Variants in TRIM67 observed in about 807,000 individuals in gnomAD.
TRIM67 encodes tripartite motif containing 67.
In TRIM67, 39 loss-of-function variants were observed where a neutral mutation model predicts 71.0. The ratio of observed to expected loss-of-function variants is 0.55; its 90% CI spans 0.43 to 0.72. The LOEUF (loss-of-function observed/expected upper bound fraction) is 0.72. Among genes scored for constraint, TRIM67 ranks in the 30% least tolerant of loss-of-function variants. TRIM67 has a pLI of 0.00. For missense variants in TRIM67, 973 were observed against 1,079.2 expected (o/e 0.90, Z 1.38); for synonymous variants, 481 against 473.9 (o/e 1.01, Z -0.19).
At chr1:231,184,835 G>T in intron 1 of TRIM67, 1 of 610,668 alleles carries the variant, frequency 1.6e-6, no homozygotes, top group Non-Finnish European at 2.9e-6. Context: ...CAGGCCTTTG[G>T]GGTGGGTATC....
At chr1:231,177,881 A>T (rs996111465) in intron 1 of TRIM67, among the ~76,000 whole-genome samples, 1 of 152,244 alleles carries the variant, frequency 6.6e-6, no homozygotes. Flanking sequence ...CACAAGAAAC[A>T]TCTATTTAAT....
At chr1:231,208,894 T>C (rs1683785186) in intron 7 of TRIM67, 53 bp from the exon 8 acceptor site, 1 of 1,503,030 alleles carries the variant, frequency 6.7e-7, no homozygotes, top group Non-Finnish European at 9.0e-7. Context: ...GGTTAGAAAC[T>C]ACTAGCAAAT....
Position 231,163,199 on chromosome 1 carries a change from G to C in TRIM67, c.230G>C (p.Cys77Ser), listed in dbSNP as rs1442327534. Reference sequence around the variant, plus strand: ...CACGACGCTGCGGCTGGCCCGGCCTGCGGCGGTGCAGGCGGGAGTGCAGCT... The same window carrying C: ...CACGACGCTGCGGCTGGCCCGGCCTCCGGCGGTGCAGGCGGGAGTGCAGCT... ...LEHDAAAGPACGGAGGSAAGG... is the reference protein window; with the variant it reads ...LEHDAAAGPASGGAGGSAAGG... The change falls in exon 1 of 10, where the codon TGC becomes TCC. Residue 77 changes from cysteine to serine, a missense_variant. Transcript: ENST00000366653. 9 of 1,496,560 alleles carry C rather than the reference G, an allele frequency of 6.0e-6. No homozygotes were observed. The highest frequency in any genetic ancestry group is 8.0e-6 in the Non-Finnish European group (9 of 1,125,660). The allele number at this position is 1,496,560 out of a possible 1,614,324, so 92.7% of individuals were successfully genotyped here.
At chr1:231,214,837 C>T (rs559520107) in intron 9 of TRIM67, among the ~76,000 whole-genome samples, 3 of 151,262 alleles carry the variant, frequency 2.0e-5, no homozygotes, top group Non-Finnish European at 4.4e-5. Flanking sequence ...TGGTGGCTCA[C>T]GCCTGTAACT....
intron 7 of TRIM67, 86 bp from the exon 8 acceptor site, chr1:231,208,861 G>A (rs1212378234): frequency 1.1e-5 from 15 of 1,351,486 alleles, no homozygotes; most frequent in South Asian, 4.3e-5. Context: ...TAACAGAAGC[G>A]AATGTGTTTG....
chr1:231,191,574 A>T (rs1406511965), intron 1 of TRIM67, among the ~76,000 whole-genome samples: 5 of 152,290 alleles, frequency 3.3e-5, no homozygotes, highest in South Asian at 2.1e-4. Context: ...GAGACAGGGC[A>T]TCAGGAGCGT....
intron 1 of TRIM67, among the ~76,000 whole-genome samples, chr1:231,188,888 A>C (rs1683157620): frequency 6.6e-6 from 1 of 152,150 alleles, no homozygotes; most frequent in African/African-American, 2.4e-5. Flanking sequence ...CCAGGTTGTG[A>C]CTGGGTTCGG....
At position 231,186,173 on chromosome 1, in the gene TRIM67, T is replaced by C. The variant is rs1421257271; in HGVS notation, c.1045-11198T>C. Reference sequence around the variant, plus strand: ...CCAGGCTGAGGCGCTCCCTCTTTGTTCTGCATGAATCACAGCAGTGGAACT... The same window carrying C: ...CCAGGCTGAGGCGCTCCCTCTTTGTCCTGCATGAATCACAGCAGTGGAACT... On this transcript the variant is annotated intron_variant, in intron 1 of 9. Transcript: ENST00000366653. 2.6e-6 allele frequency: 4 copies of C among 1,530,598 alleles called. No individual in the cohort carries two copies. In the Admixed American group the frequency reaches 5.9e-5, roughly 23 times the overall value. 94.8% of individuals were successfully genotyped at this position (1,530,598 alleles called of 1,614,324 possible). A position where few individuals can be genotyped will look rare whatever the true frequency, so the allele number is the denominator to read the frequency against.
intron 1 of TRIM67, among the ~76,000 whole-genome samples, chr1:231,192,153 G>A (rs928587226): frequency 6.6e-6 from 1 of 152,062 alleles, no homozygotes; most frequent in Non-Finnish European, 1.5e-5. Context: ...CAGCCTGAGT[G>A]GCAGAGAAAG....
In TRIM67 at chr1:231,218,023, C is replaced by T; in HGVS notation, c.*2583C>T. On this transcript the variant is annotated 3_prime_UTR_variant, in exon 10 of 10. Transcript: ENST00000366653. ...TACGGCCGATGCCAGGGACAGCATC[C>T]AGCTCTCCTTCACAGACACCTCTCC... 3 of 1,187,784 alleles carry T rather than the reference C, an allele frequency of 2.5e-6. No individual in the cohort carries two copies. The highest frequency in any genetic ancestry group is 3.2e-6 in the Non-Finnish European group (3 of 940,220). 73.6% of individuals were successfully genotyped at this position (1,187,784 alleles called of 1,614,324 possible).
chr1:231,189,430 G>T (rs1683174901), intron 1 of TRIM67, among the ~76,000 whole-genome samples: 1 of 152,158 alleles, frequency 6.6e-6, no homozygotes, highest in Non-Finnish European at 1.5e-5. Flanking sequence ...CACAATCATT[G>T]TGGGTCCAAT....
intron 1 of TRIM67, among the ~76,000 whole-genome samples, chr1:231,190,726 G>A (rs147817755): frequency 1.3e-5 from 2 of 152,304 alleles, no homozygotes; most frequent in Non-Finnish European, 2.9e-5. Flanking sequence ...TCCTCAGGGC[G>A]GGGGACTGGA....
chr1:231,185,307 G>C, intron 1 of TRIM67: 1 of 1,231,556 alleles, frequency 8.1e-7, no homozygotes, highest in Non-Finnish European at 1.1e-6. Context: ...GGAGGGATCT[G>C]AGAAAAGAAA....
chr1:231,202,071 G>GGAGGAGGAGGTGGAAA (rs1683545106), intron 5 of TRIM67, among the ~76,000 whole-genome samples: 1 of 123,166 alleles, frequency 8.1e-6, no homozygotes, highest in Non-Finnish European at 1.6e-5. Context: ...GGAGATGGAG[G>GGAGGAGGAGGTGGAAA]AGGAGGAGGT....
chr1:231,208,083 C>G (rs181045258), intron 7 of TRIM67, among the ~76,000 whole-genome samples: 126 of 150,592 alleles, frequency 8.4e-4, no homozygotes, highest in Admixed American at 3.5e-3. Context: ...AATCTTGGCT[C>G]ACTGCAACCT....
rs772376100 is a variant in TRIM67 at position 231,163,230 on chromosome 1, C to T, written c.261C>T (p.Gly87=). The change falls in exon 1 of 10, where the codon GGC becomes GGT. Residue 87 remains glycine, a synonymous_variant. Transcript: ENST00000366653. The stretch of plus-strand genomic sequence containing the variant: ...GTGCAGGCGGGAGTGCAGCTGGCGG[C>T]CTCGGCGGCGGTGCGGGAGGTGGCG... ...CGGAGGSAAG[G]LGGGAGGGGD... 2.7e-6 allele frequency: 4 copies of T among 1,495,608 alleles called. No individual in the cohort carries two copies. The highest frequency in any genetic ancestry group is 3.6e-6 in the Non-Finnish European group (4 of 1,122,836). 92.6% of individuals were successfully genotyped at this position (1,495,608 alleles called of 1,614,324 possible).
chr1:231,185,608 T>G (rs1236886774), intron 1 of TRIM67, among the ~76,000 whole-genome samples: 2 of 151,740 alleles, frequency 1.3e-5, no homozygotes, highest in African/African-American at 4.9e-5. Flanking sequence ...GTCCTGCCCT[T>G]TTGCAGCTCC....
At chr1:231,193,772 G>A (rs986342249) in intron 1 of TRIM67, among the ~76,000 whole-genome samples, 1 of 152,082 alleles carries the variant, frequency 6.6e-6, no homozygotes, top group Non-Finnish European at 1.5e-5. Flanking sequence ...CACATGGCAA[G>A]AGAGGAATTG....
rs1684025413 is a variant in TRIM67 at position 231,216,808 on chromosome 1, G to A, written c.*1368G>A. The stretch of plus-strand genomic sequence containing the variant: ...CTCTCAGAGACAGCTCATGGCAGGG[G>A]TTTTGAGCCTGCCAGGCTCTTGTTC... On this transcript the variant is annotated 3_prime_UTR_variant, in exon 10 of 10. Transcript: ENST00000366653. The A allele has an allele frequency of 1.0e-6, 1 of 985,528 alleles. No homozygotes were observed. Among genetic ancestry groups the A allele is most frequent in the Non-Finnish European group, 1.2e-6 (1 of 829,990 alleles). The allele number at this position is 985,528 out of a possible 1,614,324, so 61.0% of individuals were successfully genotyped here.
Sources: allele counts gnomAD v4.1 joint callset (sites outside exome capture counted in the v4.1 genomes callset), GRCh38; gene constraint gnomAD v4.1.1; transcripts MANE v1.5; gene names NCBI Gene and HGNC (gene_info 2026-07-23, HGNC 2026-07-21).